The following PDE4B variants were observed in gnomAD, a reference collection of about 807,000 sequenced individuals.
The protein encoded by PDE4B is phosphodiesterase 4B.
PDE4B carries 20 observed loss-of-function variants against 82.2 expected under a neutral mutation model. The ratio of observed to expected loss-of-function variants is 0.24; its 90% CI spans 0.17 to 0.35. The LOEUF (loss-of-function observed/expected upper bound fraction) is 0.35, where lower values mean the gene tolerates loss of function less well. Among genes scored for constraint, PDE4B ranks in the 10% least tolerant of loss-of-function variants. The pLI is 1.00. For synonymous variants in PDE4B, 320 were observed against 318.9 expected (o/e 1.00, Z -0.04); for missense variants, 655 against 907.2 (o/e 0.72, Z 3.57).
At chr1:65,957,940 C>A (rs946949170) in intron 3 of PDE4B, among the ~76,000 whole-genome samples, 1 of 151,998 alleles carries the variant, frequency 6.6e-6, no homozygotes, top group Non-Finnish European at 1.5e-5. Flanking sequence ...CATAAAAATC[C>A]ATTTTCTGCA....
At chr1:66,046,759 G>A (rs1654738454) in intron 3 of PDE4B, among the ~76,000 whole-genome samples, 1 of 151,752 alleles carries the variant, frequency 6.6e-6, no homozygotes, top group South Asian at 2.1e-4. Flanking sequence ...TACTCAATGA[G>A]GAAAGAAATG....
chr1:66,361,384 C>A (rs1320087142), intron 9 of PDE4B, among the ~76,000 whole-genome samples: 1 of 152,080 alleles, frequency 6.6e-6, no homozygotes, highest in Non-Finnish European at 1.5e-5. Flanking sequence ...TTCCTCTGGG[C>A]CTTAATTTGC....
At chr1:66,027,938 G>A (rs1653540101) in intron 3 of PDE4B, among the ~76,000 whole-genome samples, 1 of 152,126 alleles carries the variant, frequency 6.6e-6, no homozygotes, top group African/African-American at 2.4e-5. Context: ...ACTTTTCCAG[G>A]CACATGGTGC....
chr1:66,170,218 A>T, intron 3 of PDE4B, among the ~76,000 whole-genome samples: 1 of 152,196 alleles, frequency 6.6e-6, no homozygotes, highest in East Asian at 1.9e-4. Context: ...ATCAAATTTT[A>T]TCTGACAGTT....
intron 3 of PDE4B, among the ~76,000 whole-genome samples, chr1:65,946,802 C>T (rs537237697): frequency 3.9e-5 from 6 of 152,120 alleles, no homozygotes; most frequent in African/African-American, 1.4e-4. Context: ...AGTTACACCT[C>T]TTTGCATCGT....
At chr1:66,218,651 G>A (rs1650707689) in intron 3 of PDE4B, among the ~76,000 whole-genome samples, 1 of 151,878 alleles carries the variant, frequency 6.6e-6, no homozygotes, top group African/African-American at 2.4e-5. Context: ...GACCCCTCTG[G>A]GACCTCTTTC....
chr1:66,002,789 C>G (rs1386781629), intron 3 of PDE4B, among the ~76,000 whole-genome samples: 3 of 151,992 alleles, frequency 2.0e-5, no homozygotes, highest in Non-Finnish European at 4.4e-5. Flanking sequence ...AATCCTAGAA[C>G]TAATTTAATT....
In PDE4B at chr1:66,001,383, A is replaced by G. The variant is rs138252107; in HGVS notation, c.281+82548A>G. Among the ~76,000 whole-genome samples the G allele has an allele frequency of 2.2e-3, 334 of 152,312 alleles. 2 individuals carry two copies. Among genetic ancestry groups the G allele is most frequent in the African/African-American group, 7.5e-3 (312 of 41,582 alleles). On this transcript the variant is annotated intron_variant, in intron 3 of 16. Coordinates refer to ENST00000341517, the MANE Select transcript of PDE4B (RefSeq NM_002600.4). ...AGAGCACATTTCGATGGAGAGCAATAGTTTTGGGATCAAAAGAAAAATATT... is the reference window on the plus strand; with the variant it reads ...AGAGCACATTTCGATGGAGAGCAATGGTTTTGGGATCAAAAGAAAAATATT...
intron 1 of PDE4B, among the ~76,000 whole-genome samples, chr1:65,847,408 G>A (rs1172830210): frequency 6.6e-6 from 1 of 152,200 alleles, no homozygotes; most frequent in Non-Finnish European, 1.5e-5. Context: ...GGCTGGGGCT[G>A]TACAGAAGTC....
intron 1 of PDE4B, among the ~76,000 whole-genome samples, chr1:65,836,649 C>A (rs1156724957): frequency 6.6e-6 from 1 of 151,988 alleles, no homozygotes; most frequent in Non-Finnish European, 1.5e-5. Flanking sequence ...ATTTTTGTTT[C>A]AACTCCTTTA....
intron 3 of PDE4B, among the ~76,000 whole-genome samples, chr1:66,167,474 C>T (rs1294168257): frequency 6.6e-6 from 1 of 152,060 alleles, no homozygotes; most frequent in Admixed American, 6.5e-5. Context: ...TCAGAATGGG[C>T]CACTCCCTGT....
chr1:66,240,900 C>A (rs1466671299), intron 3 of PDE4B, among the ~76,000 whole-genome samples: 1 of 152,162 alleles, frequency 6.6e-6, no homozygotes, highest in Admixed American at 6.5e-5. Flanking sequence ...TACAGGGAGC[C>A]CCTGTTTCAT....
chr1:66,120,893 G>T (rs1043554925), intron 3 of PDE4B, among the ~76,000 whole-genome samples: 1 of 152,132 alleles, frequency 6.6e-6, no homozygotes, highest in African/African-American at 2.4e-5. Flanking sequence ...TGGGAGTACA[G>T]AATTTAAGTC....
rs764324649 is a variant in PDE4B at position 66,361,662 on chromosome 1, G to T, written c.889G>T (p.Glu297Ter). 6.2e-7 allele frequency: 1 copy of T among 1,613,516 alleles called. No individual in the cohort carries two copies. The highest frequency in any genetic ancestry group is 1.1e-5 in the South Asian group (1 of 91,060). The stretch of plus-strand genomic sequence containing the variant: ...CCCATCTCCTACCCAGAAAGACAGG[G>T]AGAAAAAGAAAAAGCAGCAGCTCAT... ...EIPSPTQKDREKKKKQQLMTQ... is the reference protein window; with the variant it reads ...EIPSPTQKDR The change falls in exon 10 of 17, where the codon GAG (glutamate) becomes TAG (stop). Residue 297 changes from glutamate to a stop codon, truncating the protein, a stop_gained. Transcript: ENST00000341517. LOFTEE classifies it high-confidence loss of function.
chr1:66,173,282 A>G (rs751984116), intron 3 of PDE4B, among the ~76,000 whole-genome samples: 1 of 152,224 alleles, frequency 6.6e-6, no homozygotes, highest in African/African-American at 2.4e-5. Flanking sequence ...ATAGGGCTGG[A>G]TAAGCCCTCA....
chr1:66,107,267 C>A (rs1645383897), intron 3 of PDE4B, among the ~76,000 whole-genome samples: 1 of 151,974 alleles, frequency 6.6e-6, no homozygotes, highest in Non-Finnish European at 1.5e-5. Flanking sequence ...TTTCTTAATC[C>A]TGAATTCTAG....
intron 7 of PDE4B, among the ~76,000 whole-genome samples, chr1:66,278,596 C>A (rs774653552): frequency 1.8e-4 from 28 of 152,170 alleles, no homozygotes; most frequent in Non-Finnish European, 3.2e-4. Flanking sequence ...CCTTTTCATC[C>A]CTGCATTGCT....
chr1:65,809,307 G>A (rs1364780405), intron 1 of PDE4B, among the ~76,000 whole-genome samples: 2 of 131,726 alleles, frequency 1.5e-5, no homozygotes, highest in African/African-American at 6.0e-5. Flanking sequence ...ATCTAGCCTG[G>A]GTGACAGAGT....
chr1:66,202,292 G>A (rs1220981805), intron 3 of PDE4B, among the ~76,000 whole-genome samples: 1 of 151,974 alleles, frequency 6.6e-6, no homozygotes, highest in African/African-American at 2.4e-5. Context: ...TGGAATAGGG[G>A]TGGTGTGGTG....
Sources: allele counts gnomAD v4.1 joint callset (sites outside exome capture counted in the v4.1 genomes callset), GRCh38; gene constraint gnomAD v4.1.1; transcripts MANE v1.5; gene names NCBI Gene and HGNC (gene_info 2026-07-23, HGNC 2026-07-21).